The following DIPK1A variants were observed in gnomAD, a reference collection of about 807,000 sequenced individuals.
DIPK1A encodes family with sequence similarity 69 member A.
In DIPK1A, 27 loss-of-function variants were observed where a neutral mutation model predicts 40.8. The ratio of observed to expected loss-of-function variants is 0.66; its 90% CI spans 0.49 to 0.91. The LOEUF (loss-of-function observed/expected upper bound fraction) is 0.91. Among genes scored for constraint, DIPK1A ranks in the 40% least tolerant of loss-of-function variants. DIPK1A has a pLI of 0.00. For missense variants in DIPK1A, 412 were observed against 505.7 expected (o/e 0.81, Z 1.78); for synonymous variants, 166 against 171.3 (o/e 0.97, Z 0.24).
chr1:92,912,930 G>C (rs1368538200), intron 1 of DIPK1A, among the ~76,000 whole-genome samples: 1 of 150,704 alleles, frequency 6.6e-6, no homozygotes, highest in Non-Finnish European at 1.5e-5. Flanking sequence ...GCAAGACCCT[G>C]TCTCTATGAA....
At chr1:92,845,153 T>C (rs1329889135) in intron 4 of DIPK1A, among the ~76,000 whole-genome samples, 22 of 151,538 alleles carry the variant, frequency 1.5e-4, no homozygotes, top group Non-Finnish European at 2.9e-5. Flanking sequence ...TTCACCATGT[T>C]AGCCAGGATG....
intron 1 of DIPK1A, among the ~76,000 whole-genome samples, chr1:92,890,777 T>C (rs1648835042): frequency 6.6e-6 from 1 of 152,172 alleles, no homozygotes. Context: ...TATAGTTTTC[T>C]TTTTTTCTGG....
chr1:92,886,849 C>T (rs1300308941), intron 1 of DIPK1A, among the ~76,000 whole-genome samples: 1 of 151,984 alleles, frequency 6.6e-6, no homozygotes, highest in Non-Finnish European at 1.5e-5. Context: ...CTTATTGGAA[C>T]ACAGTTACTC....
At chr1:92,958,957 G>A (rs1651950648) in intron 1 of DIPK1A, among the ~76,000 whole-genome samples, 1 of 152,212 alleles carries the variant, frequency 6.6e-6, no homozygotes, top group South Asian at 2.1e-4. Context: ...GAGGTACTGA[G>A]ATGAAATGAT....
At chr1:92,886,517 AT>A (rs111781575) in intron 1 of DIPK1A, among the ~76,000 whole-genome samples, 304 of 148,586 alleles carry the variant, frequency 2.0e-3, no homozygotes, top group Middle Eastern at 0.014. Flanking sequence ...TTAAATATCA[AT>A]TTTTTTTTTG....
At position 92,876,389 on chromosome 1, in the gene DIPK1A, GGAAAA is replaced by G; in HGVS notation, c.91_95del (p.Phe31LeufsTer28). The G allele has an allele frequency of 1.2e-6, 2 of 1,613,226 alleles. No individual in the cohort carries two copies. Among genetic ancestry groups the G allele is most frequent in the East Asian group, 2.2e-5 (1 of 44,810 alleles). On this transcript the variant is annotated frameshift_variant, in exon 2 of 5. Transcript: ENST00000370310. LOFTEE classifies it high-confidence loss of function. ...AGCTTCCAACAAAAACCACTAACCA[GGAAAA>G]GAAAAGATATTTCATCCGCACATAT...
At chr1:92,904,339 G>A (rs1333395416) in intron 1 of DIPK1A, among the ~76,000 whole-genome samples, 4 of 152,096 alleles carry the variant, frequency 2.6e-5, no homozygotes, top group Non-Finnish European at 5.9e-5. Context: ...CTTGCCATAT[G>A]GGAAAATGCT....
intron 1 of DIPK1A, among the ~76,000 whole-genome samples, chr1:92,888,068 G>A (rs1190282174): frequency 2.0e-5 from 3 of 151,600 alleles, no homozygotes; most frequent in Non-Finnish European, 4.4e-5. Flanking sequence ...TCTACTATTG[G>A]AAAATATACA....
intron 2 of DIPK1A, among the ~76,000 whole-genome samples, 195 bp downstream of exon 2, chr1:92,876,101 T>C (rs1648113067): frequency 1.3e-5 from 2 of 151,512 alleles, no homozygotes; most frequent in Admixed American, 6.6e-5. Context: ...TGTTATATAT[T>C]TAAATTTCTG....
intron 2 of DIPK1A, among the ~76,000 whole-genome samples, chr1:92,864,553 C>A (rs776817820): frequency 3.9e-5 from 6 of 152,152 alleles, no homozygotes; most frequent in Admixed American, 1.3e-4. Context: ...GGGAAATATT[C>A]TTCTCTGCTT....
At chr1:92,932,347 A>C (rs1650782995) in intron 1 of DIPK1A, 1 of 153,050 alleles carries the variant, frequency 6.5e-6, no homozygotes, top group Admixed American at 6.5e-5. Flanking sequence ...AGGCTGAGGT[A>C]GGATAATCAC....
At chr1:92,851,573 T>TAA (rs57720787) in intron 2 of DIPK1A, among the ~76,000 whole-genome samples, 11 of 132,320 alleles carry the variant, frequency 8.3e-5, no homozygotes, top group Non-Finnish European at 1.1e-4. Flanking sequence ...CTTCTGGTTT[T>TAA]AAAATAAATA....
rs187302063 is a variant in DIPK1A at position 92,880,355 on chromosome 1, T to C, written c.55-3925A>G. ...TGGAAATAACAGAAGCAGTTATCAC[T>C]AGAGTAAATGATTGCCAATATTTTA... is the stretch of plus-strand genomic sequence containing the variant. On this transcript the variant is annotated intron_variant, in intron 1 of 4. Transcript: ENST00000370310. Among the ~76,000 whole-genome samples, 203 of 152,338 alleles carry C rather than the reference T, an allele frequency of 1.3e-3. 3 individuals are homozygous for C. Among genetic ancestry groups the C allele is most frequent in the Admixed American group, 0.011 (161 of 15,296 alleles).
intron 2 of DIPK1A, among the ~76,000 whole-genome samples, chr1:92,855,790 A>C (rs1687968151): frequency 6.6e-6 from 1 of 152,082 alleles, no homozygotes; most frequent in African/African-American, 2.4e-5. Flanking sequence ...AAATGGAAAA[A>C]AAATCAGGCC....
At chr1:92,883,266 C>T (rs72968088) in intron 1 of DIPK1A, among the ~76,000 whole-genome samples, 299 of 152,296 alleles carry the variant, frequency 2.0e-3, no homozygotes, top group African/African-American at 6.3e-3. Flanking sequence ...GAGGAAGATG[C>T]AACCTCTACT....
chr1:92,960,059 A>G (rs1441715202), intron 1 of DIPK1A, among the ~76,000 whole-genome samples: 2 of 151,606 alleles, frequency 1.3e-5, no homozygotes, highest in African/African-American at 4.8e-5. Flanking sequence ...CTGGCCGGTA[A>G]GCTTTTTTTT....
chr1:92,937,720 A>C (rs564287279), intron 1 of DIPK1A, among the ~76,000 whole-genome samples: 4 of 152,278 alleles, frequency 2.6e-5, no homozygotes, highest in African/African-American at 9.6e-5. Context: ...ATCAATTCCT[A>C]ACTGACTGCA....
At chr1:92,853,882 ATTTT>A (rs965695290) in intron 2 of DIPK1A, among the ~76,000 whole-genome samples, 2 of 151,318 alleles carry the variant, frequency 1.3e-5, no homozygotes, top group Non-Finnish European at 3.0e-5. Flanking sequence ...ATAAAAACTG[ATTTT>A]TTTTTGTTTT....
At chr1:92,853,297 A>G (rs960796698) in intron 2 of DIPK1A, among the ~76,000 whole-genome samples, 2 of 152,252 alleles carry the variant, frequency 1.3e-5, no homozygotes, top group Non-Finnish European at 2.9e-5. Context: ...TTTAATCTAT[A>G]GATTGAAAGG....
Sources: allele counts gnomAD v4.1 joint callset (sites outside exome capture counted in the v4.1 genomes callset), GRCh38; gene constraint gnomAD v4.1.1; transcripts MANE v1.5; gene names NCBI Gene and HGNC (gene_info 2026-07-23, HGNC 2026-07-21).